Variants in COL24A1 observed in about 807,000 individuals in gnomAD.
The protein encoded by COL24A1 is collagen alpha-1(XXIV) chain.
A neutral mutation model predicts 253.9 loss-of-function variants in COL24A1; 224 were observed. The ratio of observed to expected loss-of-function variants is 0.88; its 90% CI spans 0.79 to 0.99. The LOEUF (loss-of-function observed/expected upper bound fraction) is 0.99. Among genes scored for constraint, COL24A1 ranks in the 50% least tolerant of loss-of-function variants. The probability of loss-of-function intolerance (pLI) is 0.00; values close to 1 mark genes in which losing one functional copy is unlikely to be tolerated. For synonymous variants in COL24A1, 685 were observed against 673.7 expected (o/e 1.02, Z -0.26); for missense variants, 2,131 against 2,068.5 (o/e 1.03, Z -0.59).
At chr1:85,951,450 T>C (rs540327226) in intron 24 of COL24A1, among the ~76,000 whole-genome samples, 78 of 152,218 alleles carry the variant, frequency 5.1e-4, no homozygotes, top group Non-Finnish European at 8.1e-4. Flanking sequence ...CGAAGGTCTT[T>C]AGAGGTGACA....
chr1:86,154,542 T>C (rs1365890120), intron 1 of COL24A1: 1 of 152,666 alleles, frequency 6.6e-6, no homozygotes, highest in Non-Finnish European at 1.5e-5. Context: ...TGCAATCCAT[T>C]CTATTTGGTT....
At chr1:86,110,254 A>G (rs1705409708) in intron 5 of COL24A1, among the ~76,000 whole-genome samples, 1 of 151,804 alleles carries the variant, frequency 6.6e-6, no homozygotes. Context: ...ATGGGAATGG[A>G]GATATCATTA....
intron 19 of COL24A1, among the ~76,000 whole-genome samples, chr1:85,992,291 A>G (rs939851697): frequency 3.3e-5 from 5 of 152,232 alleles, no homozygotes; most frequent in Admixed American, 6.5e-5. Context: ...CATGGTGTAT[A>G]TGATAAGCAC....
chr1:86,045,262 T>C (rs1189141267), intron 12 of COL24A1, among the ~76,000 whole-genome samples: 1 of 152,194 alleles, frequency 6.6e-6, no homozygotes, highest in Non-Finnish European at 1.5e-5. Context: ...AGTGCTGGGA[T>C]TACAGGTGTG....
At chr1:85,788,755 GTCCAGTTTCAATTT>G (rs1291157942) in intron 47 of COL24A1, among the ~76,000 whole-genome samples, 2 of 152,138 alleles carry the variant, frequency 1.3e-5, no homozygotes, top group East Asian at 3.8e-4. Flanking sequence ...TAAGGAAGGA[GTCCAGTTTCAATTT>G]TCTGCATATG....
intron 7 of COL24A1, among the ~76,000 whole-genome samples, chr1:86,075,134 T>G (rs1382002872): frequency 4.0e-5 from 6 of 151,818 alleles, no homozygotes; most frequent in African/African-American, 1.5e-4. Context: ...ACAAAATAGA[T>G]AGACCACTAG....
chr1:86,037,596 T>C (rs936305937), intron 12 of COL24A1, among the ~76,000 whole-genome samples: 1 of 152,110 alleles, frequency 6.6e-6, no homozygotes, highest in Non-Finnish European at 1.5e-5. Context: ...GGAAATGAAC[T>C]TTACCCCAGT....
At chr1:85,731,551 C>T (rs998273726) in intron 59 of COL24A1, among the ~76,000 whole-genome samples, 1 of 152,130 alleles carries the variant, frequency 6.6e-6, no homozygotes, top group Non-Finnish European at 1.5e-5. Flanking sequence ...CTGTTAGATT[C>T]ATTCATTAAG....
intron 19 of COL24A1, among the ~76,000 whole-genome samples, chr1:85,994,131 G>C (rs963401359): frequency 5.9e-5 from 9 of 151,754 alleles, no homozygotes; most frequent in Admixed American, 4.6e-4. Flanking sequence ...TGTATCTTCT[G>C]AGTAGTTTAT....
intron 2 of COL24A1, among the ~76,000 whole-genome samples, chr1:86,140,873 G>A (rs1650973072): frequency 6.6e-6 from 1 of 152,152 alleles, no homozygotes; most frequent in Non-Finnish European, 1.5e-5. Context: ...TTATTCATTA[G>A]ATTACACCTA....
chr1:86,085,281 A>AAAGAT (rs1172872552), intron 7 of COL24A1, among the ~76,000 whole-genome samples: 1 of 152,218 alleles, frequency 6.6e-6, no homozygotes, highest in Admixed American at 6.5e-5. Flanking sequence ...TATGCAATGA[A>AAAGAT]AAGATTCTTT....
chr1:85,778,592 A>C (rs1668834383), intron 52 of COL24A1, among the ~76,000 whole-genome samples: 1 of 145,642 alleles, frequency 6.9e-6, no homozygotes, highest in Non-Finnish European at 1.5e-5. Context: ...TTAGTTTTCT[A>C]GATTATTCTT....
chr1:85,779,379 T>C (rs563092979), intron 52 of COL24A1, among the ~76,000 whole-genome samples: 6 of 152,288 alleles, frequency 3.9e-5, no homozygotes, highest in African/African-American at 1.4e-4. Flanking sequence ...AATAGTACTT[T>C]ATGTCATTTT....
chr1:86,135,601 G>A lies in COL24A1; in HGVS notation c.122-9387C>T, dbSNP rs115686710. 2.6e-5 allele frequency among the ~76,000 whole-genome samples: 4 copies of A among 151,532 alleles called. No homozygotes were observed. In the South Asian group the frequency reaches 8.3e-4, roughly 32 times the overall value. On this transcript the variant is annotated intron_variant, in intron 2 of 59. Transcript: ENST00000370571. ...CCTACAAAGTATAACTTCCCTTTGT[G>A]CTCCTTCCCATTTCATCTTGATTTA...
intron 24 of COL24A1, among the ~76,000 whole-genome samples, chr1:85,953,281 C>T (rs1486923083): frequency 6.6e-6 from 1 of 152,192 alleles, no homozygotes; most frequent in Non-Finnish European, 1.5e-5. Flanking sequence ...AAAGTTAGAG[C>T]TGCCATTTCC....
chr1:85,996,492 A>G (rs1694798904), intron 19 of COL24A1, among the ~76,000 whole-genome samples: 1 of 57,000 alleles, frequency 1.8e-5, no homozygotes, highest in Admixed American at 1.4e-4. Context: ...CCTGACCAAC[A>G]TGGCATGGTG....
chr1:85,899,807 C>T (rs1684093803), intron 28 of COL24A1, among the ~76,000 whole-genome samples: 1 of 152,126 alleles, frequency 6.6e-6, no homozygotes, highest in Admixed American at 6.5e-5. Context: ...CAGAAATCAC[C>T]TACTGCCATA....
At chr1:86,082,338 A>C (rs998616788) in intron 7 of COL24A1, among the ~76,000 whole-genome samples, 1 of 152,102 alleles carries the variant, frequency 6.6e-6, no homozygotes, top group Admixed American at 6.6e-5. Context: ...TTCATGATTC[A>C]TGAACAAAGA....
intron 32 of COL24A1, among the ~76,000 whole-genome samples, chr1:85,886,436 C>T (rs1009908052): frequency 6.6e-6 from 1 of 151,360 alleles, no homozygotes; most frequent in Non-Finnish European, 1.5e-5. Flanking sequence ...GAGGCAGAGG[C>T]GGGTGGATCA....
Sources: gnomAD v4.1 joint callset for allele counts (sites outside exome capture counted in the v4.1 genomes callset) on GRCh38, gnomAD v4.1.1 for gene constraint, MANE v1.5 for transcripts, NCBI Gene and HGNC (gene_info 2026-07-23, HGNC 2026-07-21) for gene names.